CSMD1: variants seen among roughly 807,000 people sequenced by gnomAD.
CSMD1 encodes CUB and sushi domain-containing protein 1.
Under a neutral mutation model 417.5 loss-of-function variants are expected in CSMD1, and 213 were observed. The observed-to-expected ratio is 0.51, with a 90% confidence interval of 0.46 to 0.57. CSMD1 has a LOEUF of 0.57. Ranked by LOEUF, CSMD1 falls within the 20% of genes least tolerant of loss-of-function variation. The pLI is 0.00. For synonymous variants in CSMD1, 2,862 were observed against 1,736.8 expected (o/e 1.65, Z -16.11); for missense variants, 6,923 against 4,529.7 (o/e 1.53, Z -15.17).
chr8:4,748,456 G>A (rs1811095198), intron 1 of CSMD1, among the ~76,000 whole-genome samples: 1 of 152,148 alleles, frequency 6.6e-6, no homozygotes, highest in African/African-American at 2.4e-5. Flanking sequence ...CCCAAGTAAG[G>A]GTGAAACTCT....
chr8:3,735,861 A>T lies in CSMD1; in HGVS notation c.931+18069T>A, dbSNP rs557272663. On this transcript the variant is annotated intron_variant, in intron 6 of 69. Transcript: ENST00000635120. ...TGCATTGATTTCCTAATTTATGCCT[A>T]GAATTTTTCTAAATATATGACATAG... 2.0e-5 allele frequency among the ~76,000 whole-genome samples: 3 copies of T among 152,332 alleles called. No homozygotes were observed. In the South Asian group the frequency reaches 6.2e-4, roughly 32 times the overall value.
chr8:4,981,066 C>G (rs1051881917), intron 1 of CSMD1, among the ~76,000 whole-genome samples: 3 of 152,278 alleles, frequency 2.0e-5, no homozygotes, highest in Non-Finnish European at 2.9e-5. Flanking sequence ...GCGTGAACAC[C>G]ATGATGCGTG....
chr8:3,262,982 T>C (rs1801188210), intron 26 of CSMD1, among the ~76,000 whole-genome samples: 1 of 152,226 alleles, frequency 6.6e-6, no homozygotes, highest in Admixed American at 6.5e-5. Context: ...AGAAGTATTA[T>C]GGACATTACA....
chr8:4,149,899 C>T (rs1479533750), intron 3 of CSMD1, among the ~76,000 whole-genome samples: 2 of 152,160 alleles, frequency 1.3e-5, no homozygotes, highest in African/African-American at 4.8e-5. Flanking sequence ...CTCTAATGTT[C>T]AGTAATCTAC....
chr8:3,500,553 T>A (rs1796557691), intron 10 of CSMD1, among the ~76,000 whole-genome samples: 1 of 151,794 alleles, frequency 6.6e-6, no homozygotes. Flanking sequence ...TATTTAGAGG[T>A]CAAGGAATTG....
chr8:3,581,790 A>G (rs975550696), intron 9 of CSMD1, among the ~76,000 whole-genome samples: 1 of 152,026 alleles, frequency 6.6e-6, no homozygotes, highest in Non-Finnish European at 1.5e-5. Context: ...CAAAACTATG[A>G]TGCTGTCTTT....
chr8:3,940,277 G>A (rs796822563), intron 5 of CSMD1, among the ~76,000 whole-genome samples: 14 of 152,082 alleles, frequency 9.2e-5, no homozygotes, highest in African/African-American at 2.2e-4. Context: ...ATCTATTAAT[G>A]ATAGACATTT....
intron 1 of CSMD1, among the ~76,000 whole-genome samples, chr8:4,679,062 G>A (rs1805870152): frequency 6.6e-6 from 1 of 152,286 alleles, no homozygotes; most frequent in Middle Eastern, 3.4e-3. Context: ...TGAGGTTCGT[G>A]ACTCTATTCC....
chr8:4,134,520 A>G (rs181848213), intron 3 of CSMD1, among the ~76,000 whole-genome samples: 379 of 152,346 alleles, frequency 2.5e-3, no homozygotes, highest in African/African-American at 8.6e-3. Flanking sequence ...AACTGTGAGA[A>G]GATAACTCTT....
chr8:3,945,054 T>A (rs1390052130), intron 5 of CSMD1, among the ~76,000 whole-genome samples: 2 of 152,062 alleles, frequency 1.3e-5, no homozygotes, highest in Non-Finnish European at 2.9e-5. Flanking sequence ...AGCTCTATAA[T>A]CCCTCATTTT....
chr8:3,710,788 G>A (rs1801462610), intron 6 of CSMD1, among the ~76,000 whole-genome samples: 1 of 152,160 alleles, frequency 6.6e-6, no homozygotes, highest in Admixed American at 6.5e-5. Context: ...GCTCATATCA[G>A]GAAGCAAGGC....
chr8:4,368,355 T>G (rs987223628), intron 3 of CSMD1, among the ~76,000 whole-genome samples: 7 of 152,182 alleles, frequency 4.6e-5, no homozygotes, highest in African/African-American at 4.8e-5. Flanking sequence ...TTGTGGTGAA[T>G]TAGCTTTTTC....
intron 11 of CSMD1, among the ~76,000 whole-genome samples, chr8:3,484,897 G>A (rs1817936101): frequency 1.3e-5 from 2 of 152,292 alleles, no homozygotes; most frequent in East Asian, 1.9e-4. Flanking sequence ...AACTTTTGGA[G>A]CAGAAAAAGT....
intron 3 of CSMD1, among the ~76,000 whole-genome samples, chr8:4,219,808 C>T (rs1271485523): frequency 6.6e-6 from 1 of 152,116 alleles, no homozygotes; most frequent in Non-Finnish European, 1.5e-5. Flanking sequence ...TAATGTCTTA[C>T]TTAGTAGAGC....
chr8:4,012,410 ATTTATT>A (rs1816615828), intron 4 of CSMD1, among the ~76,000 whole-genome samples: 1 of 151,908 alleles, frequency 6.6e-6, no homozygotes, highest in African/African-American at 2.4e-5. Context: ...CGTCGCGTGG[ATTTATT>A]TTTATGTTTT....
chr8:4,340,785 T>G (rs1361892292), intron 3 of CSMD1, among the ~76,000 whole-genome samples: 1 of 152,116 alleles, frequency 6.6e-6, no homozygotes, highest in African/African-American at 2.4e-5. Context: ...TCATAATGGT[T>G]GCTTCTAGAG....
intron 3 of CSMD1, among the ~76,000 whole-genome samples, chr8:4,088,265 T>C (rs1800525648): frequency 6.6e-6 from 1 of 152,222 alleles, no homozygotes; most frequent in Non-Finnish European, 1.5e-5. Flanking sequence ...GCGAGTCGTG[T>C]TCCCACTTCT....
At chr8:4,486,204 CATATATATAT>C (rs1200901429) in intron 2 of CSMD1, among the ~76,000 whole-genome samples, 5 of 16,912 alleles carry the variant, frequency 3.0e-4, no homozygotes, top group African/African-American at 6.6e-4. Context: ...TATATACATA[CATATATATAT>C]ATATATATAT....
chr8:3,657,655 T>A lies in CSMD1; in HGVS notation c.1010-40858A>T, dbSNP rs143376449. On this transcript the variant is annotated intron_variant, in intron 7 of 69. Coordinates refer to ENST00000635120, the MANE Select transcript of CSMD1 (RefSeq NM_033225.6). ...GTGGGTGTTGAACAATGAGAACACATGGACACAAGGAAGGGAACATCACAC... is the reference window on the plus strand; with the variant it reads ...GTGGGTGTTGAACAATGAGAACACAAGGACACAAGGAAGGGAACATCACAC... 5.1e-3 allele frequency among the ~76,000 whole-genome samples: 774 copies of A among 152,088 alleles called. 7 individuals are homozygous for A. The highest frequency in any genetic ancestry group is 0.018 in the African/African-American group (731 of 41,480).
Sources: allele counts gnomAD v4.1 joint callset (sites outside exome capture counted in the v4.1 genomes callset), GRCh38; gene constraint gnomAD v4.1.1; transcripts MANE v1.5; gene names NCBI Gene and HGNC (gene_info 2026-07-23, HGNC 2026-07-21).